RIPOR2: variants seen among roughly 807,000 people sequenced by gnomAD.
RIPOR2 encodes RHO family interacting cell polarization regulator 2, also known as rho family-interacting cell polarization regulator 2.
Under a neutral mutation model 114.5 loss-of-function variants are expected in RIPOR2, and 39 were observed. That is an observed-to-expected ratio of 0.34 (90% CI 0.26 to 0.44). The LOEUF (loss-of-function observed/expected upper bound fraction) is 0.44, where lower values mean the gene tolerates loss of function less well. Ranked by LOEUF, RIPOR2 falls within the 20% of genes least tolerant of loss-of-function variation. The pLI is 1.00. For synonymous variants in RIPOR2, 445 were observed against 484.4 expected (o/e 0.92, Z 1.07); for missense variants, 1,007 against 1,255.1 (o/e 0.80, Z 2.99).
intron 19 of RIPOR2, among the ~76,000 whole-genome samples, chr6:24,819,161 C>A (rs1249963159): frequency 6.6e-6 from 1 of 151,876 alleles, no homozygotes; most frequent in African/African-American, 2.4e-5. Context: ...ATGATTCTGG[C>A]TTTTAAGGAG....
rs149872619 is a variant in RIPOR2 at position 24,950,564 on chromosome 6, C to A, written c.77-74747G>T. ...AAAGGGAGCTCAGTGTGTCTGTCCT[C>A]ACTTTACTGATGCAGAGATTAAGGA... On this transcript the variant is annotated intron_variant, in intron 1 of 13. Coordinates refer to the RIPOR2 transcript ENST00000510784. Among the ~76,000 whole-genome samples the A allele has an allele frequency of 3.0e-3, 456 of 152,296 alleles. 1 individual carries two copies. The highest frequency in any genetic ancestry group is 6.8e-3 in the Middle Eastern group (2 of 294).
chr6:25,034,311 G>C (rs1777136866), intron 1 of RIPOR2, among the ~76,000 whole-genome samples: 2 of 151,344 alleles, frequency 1.3e-5, no homozygotes, highest in African/African-American at 4.9e-5. Flanking sequence ...GACAACTGTT[G>C]GGGGGGTGGG....
intron 1 of RIPOR2, among the ~76,000 whole-genome samples, chr6:25,036,388 TG>T (rs199535594): frequency 6.6e-6 from 1 of 152,038 alleles, no homozygotes. Context: ...AACGGGTTTT[TG>T]TTTTGTTTTG....
intron 1 of RIPOR2, among the ~76,000 whole-genome samples, chr6:24,958,463 T>A (rs991743360): frequency 6.6e-6 from 1 of 152,192 alleles, no homozygotes; most frequent in African/African-American, 2.4e-5. Flanking sequence ...CTTCAACACA[T>A]TTTTTACTTA....
intron 19 of RIPOR2, among the ~76,000 whole-genome samples, chr6:24,821,891 G>A (rs968207284): frequency 1.3e-5 from 2 of 152,234 alleles, no homozygotes; most frequent in African/African-American, 4.8e-5. Flanking sequence ...ATGCCCGAGA[G>A]GAAGGACAAT....
intron 1 of RIPOR2, among the ~76,000 whole-genome samples, chr6:24,890,716 G>A (rs1220708087): frequency 6.6e-6 from 1 of 151,068 alleles, no homozygotes; most frequent in Non-Finnish European, 1.5e-5. Context: ...GTATAGTGGT[G>A]CAATCATGGC....
intron 1 of RIPOR2, among the ~76,000 whole-genome samples, chr6:25,007,755 T>C (rs1179307448): frequency 2.0e-5 from 3 of 151,884 alleles, no homozygotes; most frequent in Non-Finnish European, 4.4e-5. Flanking sequence ...TAACTCCACA[T>C]TTACATCCAT....
At chr6:24,936,094 G>A (rs1771789123), upstream of RIPOR2, 1 of 547,026 alleles carries the variant, frequency 1.8e-6, no homozygotes, top group South Asian at 2.3e-5. Context: ...ATCCCAGGTG[G>A]GGTAATTCTC....
intron 1 of RIPOR2, among the ~76,000 whole-genome samples, chr6:24,925,022 G>T (rs1770759205): frequency 6.6e-6 from 1 of 152,206 alleles, no homozygotes; most frequent in African/African-American, 2.4e-5. Context: ...CTTTTCCTTT[G>T]GGATAATGTT....
chr6:24,995,041 G>A (rs1048810576), intron 1 of RIPOR2, among the ~76,000 whole-genome samples: 2 of 152,160 alleles, frequency 1.3e-5, no homozygotes, highest in Non-Finnish European at 2.9e-5. Flanking sequence ...CTAAATCCAG[G>A]GAGCCATCTG....
intron 19 of RIPOR2, 90 bp downstream of exon 19, chr6:24,825,136 T>G: frequency 1.0e-6 from 1 of 976,854 alleles, no homozygotes; most frequent in Non-Finnish European, 1.5e-6. Flanking sequence ...AAAAATTATT[T>G]TTATAAAGGA....
intron 1 of RIPOR2, among the ~76,000 whole-genome samples, chr6:24,928,418 T>C (rs529281391): frequency 2.9e-4 from 44 of 152,330 alleles, no homozygotes; most frequent in Non-Finnish European, 5.3e-4. Context: ...ATATTTATTC[T>C]CTCTCAGAGA....
chr6:25,022,296 A>G (rs1776358566), intron 1 of RIPOR2, among the ~76,000 whole-genome samples: 2 of 152,146 alleles, frequency 1.3e-5, no homozygotes, highest in South Asian at 4.1e-4. Context: ...TGTCTTTTCC[A>G]GACTGTCTTA....
At chr6:25,005,743 A>ATACG (rs1775537184) in intron 1 of RIPOR2, among the ~76,000 whole-genome samples, 1 of 124,268 alleles carries the variant, frequency 8.0e-6, no homozygotes, top group Non-Finnish European at 1.7e-5. Context: ...ATATATATAC[A>ATACG]TTTACCGATC....
intron 1 of RIPOR2, among the ~76,000 whole-genome samples, chr6:24,921,651 G>GCCCCCCCCC (rs143776369): frequency 6.8e-6 from 1 of 146,888 alleles, no homozygotes; most frequent in Admixed American, 6.8e-5. Context: ...AACACTTATC[G>GCCCCCCCCC]CCCCCCCCGA....
intron 14 of RIPOR2, among the ~76,000 whole-genome samples, chr6:24,837,770 A>C (rs115358941): frequency 2.6e-5 from 4 of 151,836 alleles, no homozygotes; most frequent in Admixed American, 2.0e-4. Flanking sequence ...ATGTCCCCAG[A>C]TTGCTTATGG....
chr6:24,962,423 A>G (rs535193033), intron 1 of RIPOR2, among the ~76,000 whole-genome samples: 1 of 152,332 alleles, frequency 6.6e-6, no homozygotes, highest in East Asian at 1.9e-4. Context: ...TTAGAAGGCA[A>G]TAATAAAGCT....
intron 6 of RIPOR2, among the ~76,000 whole-genome samples, chr6:24,865,791 C>T (rs920041617): frequency 4.0e-5 from 6 of 151,380 alleles, no homozygotes; most frequent in African/African-American, 9.8e-5. Flanking sequence ...AAGATGAGAG[C>T]TTTCTGTAAG....
chr6:24,942,307 T>C (rs1772177016), intron 1 of RIPOR2, among the ~76,000 whole-genome samples: 1 of 152,224 alleles, frequency 6.6e-6, no homozygotes, highest in South Asian at 2.1e-4. Context: ...AAATGTATTT[T>C]TAAATAATAA....
Sources: gnomAD v4.1 joint callset for allele counts (sites outside exome capture counted in the v4.1 genomes callset) on GRCh38, gnomAD v4.1.1 for gene constraint, MANE v1.5 for transcripts, NCBI Gene and HGNC (gene_info 2026-07-23, HGNC 2026-07-21) for gene names.